JAG1: variants seen among roughly 807,000 people sequenced by gnomAD.
The protein encoded by JAG1 is jagged canonical Notch ligand 1.
A neutral mutation model predicts 148.7 loss-of-function variants in JAG1; 23 were observed. That is an observed-to-expected ratio of 0.15 (90% confidence interval 0.11 to 0.22). The LOEUF (loss-of-function observed/expected upper bound fraction) is 0.22. Ranked by LOEUF, JAG1 falls within the 10% of genes least tolerant of loss-of-function variation. The probability of loss-of-function intolerance (pLI) is 1.00; values close to 1 mark genes in which losing one functional copy is unlikely to be tolerated. For synonymous variants in JAG1, 572 were observed against 598.3 expected, an observed-to-expected ratio of 0.96 and a Z score of 0.64; for missense variants, 1,054 against 1,611.2, an observed-to-expected ratio of 0.65 and a Z score of 5.92.
intron 3 of JAG1, among the ~76,000 whole-genome samples, chr20:10,661,161 G>GA (rs2067414507): frequency 6.6e-6 from 1 of 152,108 alleles, no homozygotes; most frequent in Non-Finnish European, 1.5e-5. Context: ...ATGACAGAAG[G>GA]ACCAGCCTTA....
At chr20:10,650,648 A>C in intron 8 of JAG1, 1 of 399,180 alleles carries the variant, frequency 2.5e-6, no homozygotes, top group Non-Finnish European at 4.6e-6. Flanking sequence ...GGACATCTCT[A>C]TCTGCCTAAT....
At chr20:10,666,146 GAGGATTCCTCCTGC>G (rs1354339138) in intron 2 of JAG1, among the ~76,000 whole-genome samples, 2 of 152,062 alleles carry the variant, frequency 1.3e-5, no homozygotes, top group Admixed American at 1.3e-4. Context: ...CCTGGGGCAG[GAGGATTCCTCCTGC>G]CCAGCCCTAC....
intron 25 of JAG1, among the ~76,000 whole-genome samples, chr20:10,640,468 A>C (rs185922131): frequency 6.6e-6 from 1 of 152,360 alleles, no homozygotes; most frequent in Non-Finnish European, 1.5e-5. Flanking sequence ...CCAAAATGCC[A>C]AGTCAGGCTT....
intron 2 of JAG1, among the ~76,000 whole-genome samples, chr20:10,664,412 A>ACACACACACAC (rs398035347): frequency 5.3e-5 from 8 of 150,848 alleles, no homozygotes; most frequent in South Asian, 2.1e-4. Context: ...ACACACACAC[A>ACACACACACAC]AAGAATTTAT....
At chr20:10,662,832 A>G (rs755060219) in intron 3 of JAG1, among the ~76,000 whole-genome samples, 6 of 151,960 alleles carry the variant, frequency 3.9e-5, no homozygotes, top group Non-Finnish European at 8.8e-5. Context: ...TCCAGGGAGG[A>G]TGACATCCAA....
Position 10,645,809 on chromosome 20 carries a change from C to T in JAG1, c.1999+162G>A. 1 of 692,444 alleles carries T rather than the reference C, an allele frequency of 1.4e-6. No homozygotes were observed. Among genetic ancestry groups the T allele is most frequent in the Non-Finnish European group, 2.6e-6 (1 of 383,016 alleles). 42.9% of individuals were successfully genotyped at this position (692,444 alleles called of 1,614,324 possible). A position where few individuals can be genotyped will look rare whatever the true frequency, so the allele number is the denominator to read the frequency against. The stretch of plus-strand genomic sequence containing the variant: ...CTCCCCATAAGCTATCATCAGGACT[C>T]ATAAATGCAAATGAGACACAAGTGA... On this transcript the variant is annotated intron_variant, in intron 15 of 25. Coordinates refer to ENST00000254958, the MANE Select transcript of JAG1 (RefSeq NM_000214.3). This position sits in a 1 kb window ranked among gnomAD's most constrained non-coding sequence, Gnocchi z 6.1.
In JAG1 at chr20:10,655,999, C is replaced by T. The variant is rs1304796404; in HGVS notation, c.755+399G>A. Among the ~76,000 whole-genome samples, 5 of 152,256 alleles carry T rather than the reference C, an allele frequency of 3.3e-5. No homozygotes were observed. In the East Asian group the frequency reaches 5.8e-4, roughly 18 times the overall value. ...CCCATTCTAAAGAATGCTGGACTTT[C>T]GCCTATTGATGGGAAAAGTCGGGGA... On this transcript the variant is annotated intron_variant, in intron 5 of 25. Transcript: ENST00000254958.
chr20:10,643,474 T>C (rs1276617574), intron 20 of JAG1, among the ~76,000 whole-genome samples: 2 of 152,138 alleles, frequency 1.3e-5, no homozygotes, highest in African/African-American at 4.8e-5. Context: ...CATAATTTCA[T>C]GTTAGTCATG....
rs1339242517 is a variant in JAG1, at chr20:10,656,387, A to T, written c.755+11T>A. 2 of 1,607,108 alleles carry T rather than the reference A, an allele frequency of 1.2e-6. No homozygotes were observed. The highest frequency in any genetic ancestry group is 2.7e-5 in the African/African-American group (2 of 74,790). On this transcript the variant is annotated intron_variant, in intron 5 of 25. Coordinates refer to ENST00000254958, the MANE Select transcript of JAG1 (RefSeq NM_000214.3). Reference sequence around the variant, plus strand: ...ATTAAAAGAAATCTCACAAAAGACCAGTTGATTTACCTGCAGTCACCTGGG... The same window carrying T: ...ATTAAAAGAAATCTCACAAAAGACCTGTTGATTTACCTGCAGTCACCTGGG...
chr20:10,667,261 C>A (rs535561200), intron 2 of JAG1, among the ~76,000 whole-genome samples: 1 of 152,238 alleles, frequency 6.6e-6, no homozygotes, highest in Non-Finnish European at 1.5e-5. Context: ...TGGGAATGCC[C>A]GACGTGCCAA....
At chr20:10,643,704 G>T (rs1368412349) in intron 20 of JAG1, 74 bp downstream of exon 20, 3 of 1,156,252 alleles carry the variant, frequency 2.6e-6, no homozygotes, top group South Asian at 2.5e-5. Context: ...TGTTTTTAAA[G>T]ATGAAAGTCT....
intron 2 of JAG1, among the ~76,000 whole-genome samples, chr20:10,667,157 G>A (rs888983467): frequency 9.2e-5 from 14 of 152,244 alleles, no homozygotes; most frequent in African/African-American, 2.9e-4. Context: ...CCAAGCTGAC[G>A]GACACAAATA....
At chr20:10,643,063 G>C (rs985427675) in intron 20 of JAG1, among the ~76,000 whole-genome samples, 1 of 152,242 alleles carries the variant, frequency 6.6e-6, no homozygotes, top group African/African-American at 2.4e-5. Flanking sequence ...GGCTGGATAC[G>C]GCCCCTGGGC....
chr20:10,644,350 C>T lies in JAG1; in HGVS notation c.2372+7G>A. On this transcript the variant is annotated splice_region_variant and intron_variant, in intron 19 of 25. Transcript: ENST00000254958. ...TGAGTGCTGGCTTAAAAGGATGTCACACTTACCAGGGATGAGGGCTGCAGT... is the reference window on the plus strand; with the variant it reads ...TGAGTGCTGGCTTAAAAGGATGTCATACTTACCAGGGATGAGGGCTGCAGT... 4.3e-6 allele frequency: 7 copies of T among 1,610,646 alleles called. No individual in the cohort carries two copies. Among genetic ancestry groups the T allele is most frequent in the Non-Finnish European group, 5.9e-6 (7 of 1,177,430 alleles).
chr20:10,655,786 G>C (rs1010460277), intron 5 of JAG1, among the ~76,000 whole-genome samples: 5 of 152,126 alleles, frequency 3.3e-5, no homozygotes, highest in Non-Finnish European at 7.4e-5. Flanking sequence ...ACCCGCCATC[G>C]TGAAGTGGTC....
intron 2 of JAG1, among the ~76,000 whole-genome samples, chr20:10,671,719 C>A (rs923564473): frequency 1.3e-5 from 2 of 152,210 alleles, no homozygotes; most frequent in Non-Finnish European, 2.9e-5. Flanking sequence ...GGGCACACCC[C>A]CAACATTTCC....
rs546984480 is a variant in JAG1 at position 10,641,547 on chromosome 20, C to A, written c.2829G>T (p.Pro943=). The change falls in exon 23 of 26, where the codon CCG becomes CCT. Residue 943 remains proline, a synonymous_variant. Coordinates refer to ENST00000254958, the MANE Select transcript of JAG1 (RefSeq NM_000214.3). ...AGTCAGAGGTGCACTTTGTCTTCAC[C>A]GGCTGGAGACTGGAAGACCGACACT... ...VGECRSSSLQ[P]VKTKCTSDSY... is the part of the protein sequence containing the mutation. 5.9e-5 allele frequency: 96 copies of A among 1,614,054 alleles called. No homozygotes were observed. The highest frequency in any genetic ancestry group is 7.8e-5 in the Non-Finnish European group (92 of 1,180,028).
At position 10,649,070 on chromosome 20, in the gene JAG1, G is replaced by T; in HGVS notation, c.1386C>A (p.Ala462=). The T allele has an allele frequency of 6.2e-7, 1 of 1,609,968 alleles. No individual in the cohort carries two copies. The highest frequency in any genetic ancestry group is 8.5e-7 in the Non-Finnish European group (1 of 1,176,262). The change falls in exon 11 of 26, where the codon GCC becomes GCA. Residue 462 remains alanine, a synonymous_variant. Transcript: ENST00000254958. ...GCAAAGATTTACATACCCGACAGGA[G>T]GCGTCATTCTGACACTGGCCAAGGC... is the stretch of plus-strand genomic sequence containing the variant. ...NDCLGQCQND[A]SCRDLVNGYR... is the part of the protein sequence containing the mutation.
chr20:10,639,657 C>T lies in JAG1; in HGVS notation c.3498G>A (p.Gln1166=). The T allele has an allele frequency of 6.2e-7, 1 of 1,614,212 alleles. No homozygotes were observed. Among genetic ancestry groups the T allele is most frequent in the South Asian group, 1.1e-5 (1 of 91,082 alleles). ...VEEDDMDKHQ[Q]KARFAKQPAY... is the part of the protein sequence containing the mutation. ...CCGGCTGCTTGGCAAACCGGGCTTT[C>T]TGCTGGTGTTTGTCCATGTCGTCCT... The change falls in exon 26 of 26, where the codon CAG becomes CAA. Residue 1166 remains glutamine (Q), a synonymous_variant. Transcript: ENST00000254958.
Sources: allele counts gnomAD v4.1 joint callset (sites outside exome capture counted in the v4.1 genomes callset), GRCh38; gene constraint gnomAD v4.1.1; non-coding constraint Gnocchi (gnomAD v3.1); transcripts MANE v1.5; gene names NCBI Gene and HGNC (gene_info 2026-07-23, HGNC 2026-07-21).